The following NOP56 variants were observed in gnomAD, a reference collection of about 807,000 sequenced individuals.
NOP56 encodes nucleolar protein 56.
In NOP56, 31 loss-of-function variants were observed where a neutral mutation model predicts 58.3. That is an observed-to-expected ratio of 0.53 (90% confidence interval 0.40 to 0.72). The LOEUF is 0.72. Ranked by LOEUF, NOP56 falls within the 30% of genes least tolerant of loss-of-function variation. The pLI, the probability that NOP56 is intolerant of heterozygous loss-of-function variation, is 0.00. For missense variants in NOP56, 669 were observed against 739.9 expected, an observed-to-expected ratio of 0.90 and a Z score of 1.11; for synonymous variants, 313 against 282.8, an observed-to-expected ratio of 1.11 and a Z score of -1.07.
At position 2,652,688 on chromosome 20, in the gene NOP56, G is replaced by T. The variant is rs371361371; in HGVS notation, c.3+25G>T. The T allele has an allele frequency of 4.3e-3, 6,275 of 1,459,536 alleles. 24 individuals carry two copies. Among genetic ancestry groups the T allele is most frequent in the Non-Finnish European group, 4.5e-3 (4,991 of 1,114,140 alleles). The allele number at this position is 1,459,536 out of a possible 1,614,324, so 90.4% of individuals were successfully genotyped here. Reference sequence around the variant, plus strand: ...GGTGAGGAGTGGTTGCGGGGCGCGGGCGACGCGACGGTGGGGGTTTCGGCC... The same window carrying T: ...GGTGAGGAGTGGTTGCGGGGCGCGGTCGACGCGACGGTGGGGGTTTCGGCC... On this transcript the variant is annotated intron_variant, in intron 1 of 11. Coordinates refer to ENST00000329276, the MANE Select transcript of NOP56 (RefSeq NM_006392.4).
intron 3 of NOP56, 187 bp downstream of exon 3, chr20:2,653,580 C>G (rs2086778999): frequency 1.7e-6 from 1 of 592,360 alleles, no homozygotes; most frequent in African/African-American, 1.9e-5. Context: ...GGGAACTGTG[C>G]TAGACCAAAC....
intron 4 of NOP56, 43 bp downstream of exon 4, chr20:2,654,618 T>C (rs755485237): frequency 2.5e-6 from 4 of 1,610,020 alleles, no homozygotes; most frequent in Non-Finnish European, 3.4e-6. Flanking sequence ...CTGGACATTT[T>C]GGGGGAGGAG....
At position 2,654,415 on chromosome 20, in the gene NOP56, G is replaced by T. The variant is rs770348468; in HGVS notation, c.210G>T (p.Gly70=). 1 of 1,614,082 alleles carries T rather than the reference G, an allele frequency of 6.2e-7. No homozygotes were observed. Among genetic ancestry groups the T allele is most frequent in the Non-Finnish European group, 8.5e-7 (1 of 1,180,004 alleles). Residue 70 remains glycine (G), a splice_region_variant and synonymous_variant, in exon 4 of 12, where the codon GGG becomes GGT. Transcript: ENST00000329276. ...GGGAACTGTGTTCTTTCCCCTGAGGGGTTGTTCATGAGGACCTCCGCCTGC... is the reference window on the plus strand; with the variant it reads ...GGGAACTGTGTTCTTTCCCCTGAGGTGTTGTTCATGAGGACCTCCGCCTGC... The part of the protein sequence containing the change: ...ALENANAVSE[G]VVHEDLRLLL...
At chr20:2,654,617 T>G (rs749742758) in intron 4 of NOP56, 42 bp downstream of exon 4, 7 of 1,609,854 alleles carry the variant, frequency 4.3e-6, no homozygotes, top group Non-Finnish European at 5.9e-6. Flanking sequence ...CCTGGACATT[T>G]TGGGGGAGGA....
At position 2,657,211 on chromosome 20, in the gene NOP56, A is replaced by G. The variant is rs1600161256; in HGVS notation, c.1412A>G (p.Glu471Gly). The change falls in exon 11 of 12, where the codon GAG (glutamate) becomes GGG (glycine). Residue 471 changes from glutamate (E) to glycine (G), a missense_variant. By Grantham distance (98) the Glu-to-Gly change is moderately conservative. Coordinates refer to ENST00000329276, the MANE Select transcript of NOP56 (RefSeq NM_006392.4). Reference sequence around the variant, plus strand: ...GAAAACAGCAGTAGTACTCCAGAGGAGTGTGAGGTCAGTAGGCAGCACGGC... The same window carrying G: ...GAAAACAGCAGTAGTACTCCAGAGGGGTGTGAGGTCAGTAGGCAGCACGGC... ...SSENSSSTPE[E>G]CEEMSEKPKK... is the part of the protein sequence containing the mutation. 2 of 1,614,138 alleles carry G rather than the reference A, an allele frequency of 1.2e-6. No individual in the cohort carries two copies. Among genetic ancestry groups the G allele is most frequent in the African/African-American group, 2.7e-5 (2 of 75,040 alleles).
intron 4 of NOP56, 58 bp from the exon 5 acceptor site, chr20:2,654,691 G>T: frequency 6.2e-7 from 1 of 1,607,282 alleles, no homozygotes; most frequent in Non-Finnish European, 8.5e-7. Context: ...GCTGGTGCCC[G>T]TGGGTGCGGG....
rs771915471 is a variant in NOP56 at position 2,653,296 on chromosome 20, C to T, written c.111C>T (p.Leu37=). Residue 37 remains leucine, a synonymous_variant, in exon 3 of 12, where the codon CTC becomes CTT. Transcript: ENST00000329276. The stretch of plus-strand genomic sequence containing the variant: ...CCCCCCAGGTGGAGGAGTCTGTGCT[C>T]AACCTGGGCAAATTCCACAGCATCG... The part of the protein sequence containing the change: ...LLQPQVEESV[L]NLGKFHSIVR... 7.4e-6 allele frequency: 12 copies of T among 1,614,028 alleles called. No homozygotes were observed. Among genetic ancestry groups the T allele is most frequent in the African/African-American group, 1.3e-5 (1 of 74,932 alleles).
Position 2,658,186 on chromosome 20 carries a change from G to A in NOP56, c.1677G>A (p.Lys559=), listed in dbSNP as rs775159291. The stretch of plus-strand genomic sequence containing the variant: ...GCCACAGAAGTGGCTCCAAGAAAAA[G>A]AGGAAATTCTCCAAAGAGGAGCCGG... ...EAGHRSGSKK[K]RKFSKEEPVS... The change falls in exon 12 of 12, where the codon AAG becomes AAA. Residue 559 remains lysine (K), a synonymous_variant. Transcript: ENST00000329276. 3.1e-6 allele frequency: 5 copies of A among 1,610,512 alleles called. No individual in the cohort carries two copies. In the African/African-American group the frequency reaches 5.3e-5, roughly 17 times the overall value.
chr20:2,656,787 T>G lies in NOP56; in HGVS notation c.1173T>G (p.Ser391Arg). The G allele has an allele frequency of 6.2e-7, 1 of 1,613,830 alleles. No homozygotes were observed. The highest frequency in any genetic ancestry group is 8.5e-7 in the Non-Finnish European group (1 of 1,179,970). ...ACACACATCCAGAGGTGCCCACGAG[T>G]GTATTCGGGGAGAAGCTTCGAGAAC... The part of the protein sequence containing the change: ...RIDCFSEVPT[S>R]VFGEKLREQV... Residue 391 changes from serine (S) to arginine (R), a missense_variant, in exon 10 of 12, where the codon AGT becomes AGG. By Grantham distance (110) the Ser-to-Arg change is moderately radical. Coordinates refer to ENST00000329276, the MANE Select transcript of NOP56 (RefSeq NM_006392.4).
rs995618019 is a variant in NOP56, at chr20:2,658,095, C to T, written c.1586C>T (p.Thr529Ile). The change falls in exon 12 of 12, where the codon ACC becomes ATC. Residue 529 changes from threonine to isoleucine, a missense_variant. Around this residue, in one of 3 missense-constraint regions of NOP56, gnomAD observed 209 missense variants for 196.2 expected, o/e 1.07. Transcript: ENST00000329276. ...GATCTTGAAGAGACCGCTGGCAGCA[C>T]CAGTATTCCCAAGAGGAAGAAGTCT... The part of the protein sequence containing the change: ...SSDLEETAGS[T>I]SIPKRKKSTP... 3.7e-6 allele frequency: 6 copies of T among 1,614,006 alleles called. No homozygotes were observed. Among genetic ancestry groups the T allele is most frequent in the Non-Finnish European group, 5.1e-6 (6 of 1,179,978 alleles).
rs1568542698 is a variant in NOP56, at chr20:2,656,501, T to TA, written c.1112dup (p.Tyr371Ter). The TA allele has an allele frequency of 3.7e-6, 6 of 1,614,114 alleles. No individual in the cohort carries two copies. The highest frequency in any genetic ancestry group is 5.1e-6 in the Non-Finnish European group (6 of 1,180,014). ...AAKNKGRISR[Y>*]LANKCSIASR... ...CAAGAACAAAGGCCGCATCTCCCGA[T>TA]ACCTGGCAAACAAATGCAGTATTGC... is the stretch of plus-strand genomic sequence containing the variant. Residue 371 changes from tyrosine to a stop codon, truncating the protein, a stop_gained and frameshift_variant, in exon 9 of 12, where the codon TAC becomes TAAC. Transcript: ENST00000329276. LOFTEE classifies it high-confidence loss of function.
intron 11 of NOP56, chr20:2,657,719 T>TA (rs397864771): frequency 3.0e-5 from 18 of 599,472 alleles, no homozygotes; most frequent in Non-Finnish European, 5.2e-5. Context: ...TTTTTTTTTT[T>TA]AATGGGCTGA....
At chr20:2,653,044 G>A in intron 2 of NOP56, 113 bp downstream of exon 2, 2 of 990,086 alleles carry the variant, frequency 2.0e-6, no homozygotes, top group Non-Finnish European at 2.9e-6. Flanking sequence ...GCGGGGGGAC[G>A]GGCCTGGAAA....
At position 2,655,905 on chromosome 20, in the gene NOP56, TCTGA is replaced by T. The variant is rs772153842; in HGVS notation, c.910-25_910-22del. 2.2e-5 allele frequency: 35 copies of T among 1,614,110 alleles called. No homozygotes were observed. In the East Asian group the frequency reaches 6.2e-4, roughly 29 times the overall value. On this transcript the variant is annotated intron_variant, in intron 7 of 11. Transcript: ENST00000329276. ...ACTGGGCAGGTCAGCAGTTCATTTC[TCTGA>T]CTGCTTCCTTGACTCTCTCTCCAGG...
chr20:2,652,708 T>C, intron 1 of NOP56, 45 bp downstream of exon 1: 1 of 1,470,470 alleles, frequency 6.8e-7, no homozygotes, highest in Non-Finnish European at 8.9e-7. Flanking sequence ...GGTGGGGGTT[T>C]CGGCCTGCGT....
chr20:2,656,330 A>G, intron 8 of NOP56, 71 bp from the exon 9 acceptor site: 1 of 1,606,950 alleles, frequency 6.2e-7, no homozygotes, highest in Non-Finnish European at 8.5e-7. Flanking sequence ...AGAGGAGGGG[A>G]GGAGCTGAGC....
chr20:2,656,742 G>T (rs1364490422), intron 9 of NOP56, 32 bp from the exon 10 acceptor site: 1 of 1,614,130 alleles, frequency 6.2e-7, no homozygotes. Context: ...CTCTCTTTGG[G>T]CTGACAGGCT....
intron 3 of NOP56, 80 bp downstream of exon 3, chr20:2,653,473 C>A: frequency 8.6e-7 from 1 of 1,160,272 alleles, no homozygotes; most frequent in Non-Finnish European, 1.3e-6. Context: ...ATAGTATTTG[C>A]CGTCCTTGGC....
In NOP56 at chr20:2,655,343, CTT is replaced by C; in HGVS notation, c.590_591del (p.Phe197SerfsTer28). ...TTTGCAGGGAGTGGTACGGGTATCA[CTT>C]TCCGGAGCTGGTGAAGATCATCAAC... ...MRVREWYGYH[F>X]PELVKIINDN... On this transcript the variant is annotated frameshift_variant, in exon 6 of 12. Transcript: ENST00000329276. LOFTEE classifies it high-confidence loss of function. 6.2e-7 allele frequency: 1 copy of C among 1,614,194 alleles called. No homozygotes were observed. The highest frequency in any genetic ancestry group is 8.5e-7 in the Non-Finnish European group (1 of 1,180,040).
Sources: allele counts gnomAD v4.1 joint callset, GRCh38; gene constraint gnomAD v4.1.1; regional missense constraint gnomAD v4.1.1; transcripts MANE v1.5; gene names NCBI Gene and HGNC (gene_info 2026-07-23, HGNC 2026-07-21).